NUDCD3: variants seen among roughly 807,000 people sequenced by gnomAD.
NUDCD3 encodes NudC domain containing 3.
In NUDCD3, 13 loss-of-function variants were observed where a neutral mutation model predicts 39.7. That is an observed-to-expected ratio of 0.33 (90% CI 0.21 to 0.52). The LOEUF is 0.52. Among genes scored for constraint, NUDCD3 ranks in the 20% least tolerant of loss-of-function variants. The probability of loss-of-function intolerance (pLI) is 0.96; values close to 1 mark genes in which losing one functional copy is unlikely to be tolerated. For synonymous variants in NUDCD3, 175 were observed against 172.4 expected (o/e 1.02, Z -0.12); for missense variants, 453 against 458.1 (o/e 0.99, Z 0.10).
At chr7:44,420,515 C>G (rs754321320) in intron 3 of NUDCD3, among the ~76,000 whole-genome samples, 7 of 152,220 alleles carry the variant, frequency 4.6e-5, no homozygotes, top group African/African-American at 7.2e-5. Flanking sequence ...CGAAGATACT[C>G]CTTGAGAAGA....
At chr7:44,409,110 T>C (rs1259697125) in intron 3 of NUDCD3, among the ~76,000 whole-genome samples, 1 of 152,162 alleles carries the variant, frequency 6.6e-6, no homozygotes, top group Non-Finnish European at 1.5e-5. Context: ...TTGAAAAGCT[T>C]TGACATTTTC....
intron 2 of NUDCD3, among the ~76,000 whole-genome samples, chr7:44,455,116 A>T (rs181273392): frequency 1.2e-4 from 18 of 152,244 alleles, no homozygotes; most frequent in African/African-American, 4.3e-4. Flanking sequence ...CTTCAGAGAC[A>T]GTAACTACCA....
chr7:44,403,451 G>A (rs1798759272), intron 4 of NUDCD3, among the ~76,000 whole-genome samples: 1 of 152,228 alleles, frequency 6.6e-6, no homozygotes, highest in South Asian at 2.1e-4. Context: ...TAGCCAGAGT[G>A]AGCTCCATTG....
rs370370206 is a variant in NUDCD3, at chr7:44,385,987, G to A, written c.*24C>T. 8.0e-5 allele frequency: 97 copies of A among 1,214,004 alleles called. No individual in the cohort carries two copies. In the African/African-American group the frequency reaches 8.4e-4, roughly 10 times the overall value. The allele number at this position is 1,214,004 out of a possible 1,614,324, so 75.2% of individuals were successfully genotyped here. ...GATAAGGCTCTGCCTCCCCACCGGC[G>A]AGGGTTTCCTTTCCTTCTGGTCATT... On this transcript the variant is annotated 3_prime_UTR_variant, in exon 6 of 6. Coordinates refer to ENST00000355451, the MANE Select transcript of NUDCD3 (RefSeq NM_015332.4).
At chr7:44,433,446 T>C (rs1439077800) in intron 2 of NUDCD3, among the ~76,000 whole-genome samples, 1 of 151,818 alleles carries the variant, frequency 6.6e-6, no homozygotes, top group East Asian at 1.9e-4. Context: ...TGTGTGCAGT[T>C]TGTGTGTGTG....
In NUDCD3 at chr7:44,383,342, T is replaced by G. The variant is rs1199911564; in HGVS notation, c.*2669A>C. 1 of 152,348 alleles carries G rather than the reference T, an allele frequency of 6.6e-6. No individual in the cohort carries two copies. The highest frequency in any genetic ancestry group is 1.9e-4 in the East Asian group (1 of 5,182). 9.4% of individuals were successfully genotyped at this position (152,348 alleles called of 1,614,324 possible). On this transcript the variant is annotated 3_prime_UTR_variant, in exon 6 of 6. Transcript: ENST00000355451. ...AGTAACTACAGAATTCCAGAACCTGTTTGAAAGGATGTAAGATCTATAGCT... is the reference window on the plus strand; with the variant it reads ...AGTAACTACAGAATTCCAGAACCTGGTTGAAAGGATGTAAGATCTATAGCT...
At chr7:44,410,988 CAT>C (rs1189757023) in intron 3 of NUDCD3, among the ~76,000 whole-genome samples, 1 of 152,066 alleles carries the variant, frequency 6.6e-6, no homozygotes, top group African/African-American at 2.4e-5. Flanking sequence ...GTAACAAACT[CAT>C]ATATTTATGA....
At chr7:44,480,941 C>CAAAAAAAAAAAAAAAAAAAAAAA (rs1164765600) in intron 2 of NUDCD3, among the ~76,000 whole-genome samples, 1 of 34,876 alleles carries the variant, frequency 2.9e-5, no homozygotes, top group African/African-American at 1.1e-4. Context: ...GACCCAGTAT[C>CAAAAAAAAAAAAAAAAAAAAAAA]AAAAAAAAAA....
chr7:44,426,847 T>A (rs1799246151), intron 3 of NUDCD3, among the ~76,000 whole-genome samples: 1 of 150,038 alleles, frequency 6.7e-6, no homozygotes, highest in Non-Finnish European at 1.5e-5. Flanking sequence ...GACGCTGGGA[T>A]GAGGTGGGCC....
chr7:44,475,169 T>C (rs1249133781), intron 2 of NUDCD3, among the ~76,000 whole-genome samples: 2 of 150,650 alleles, frequency 1.3e-5, no homozygotes, highest in Non-Finnish European at 3.0e-5. Context: ...TGGAGTGCAG[T>C]GGCATGATCT....
At chr7:44,438,566 G>T (rs917612382) in intron 2 of NUDCD3, among the ~76,000 whole-genome samples, 3 of 149,626 alleles carry the variant, frequency 2.0e-5, no homozygotes, top group Admixed American at 6.7e-5. Context: ...CCCTAATCAA[G>T]ACCCCCCCAC....
chr7:44,488,606 C>T (rs1206672753), intron 1 of NUDCD3, among the ~76,000 whole-genome samples: 2 of 152,156 alleles, frequency 1.3e-5, no homozygotes, highest in African/African-American at 2.4e-5. Flanking sequence ...GGCAGGGACT[C>T]CTACCTGCAA....
intron 3 of NUDCD3, among the ~76,000 whole-genome samples, chr7:44,408,430 C>A (rs1209016444): frequency 6.6e-6 from 1 of 152,038 alleles, no homozygotes; most frequent in African/African-American, 2.4e-5. Flanking sequence ...CTAGACAATA[C>A]TCAGTATTAA....
intron 5 of NUDCD3, among the ~76,000 whole-genome samples, chr7:44,386,847 T>C (rs760710070): frequency 2.6e-5 from 4 of 152,070 alleles, no homozygotes; most frequent in Non-Finnish European, 4.4e-5. Flanking sequence ...ATCAGGGAGA[T>C]TGGACCCTGA....
intron 5 of NUDCD3, among the ~76,000 whole-genome samples, chr7:44,389,494 C>A (rs901006908): frequency 1.3e-5 from 2 of 152,110 alleles, no homozygotes; most frequent in Non-Finnish European, 2.9e-5. Context: ...CTGGCTAACA[C>A]GGTGAAACCC....
At position 44,485,250 on chromosome 7, in the gene NUDCD3, T is replaced by C; in HGVS notation, c.227A>G (p.Asp76Gly). 6.2e-7 allele frequency: 1 copy of C among 1,613,696 alleles called. No homozygotes were observed. Among genetic ancestry groups the C allele is most frequent in the Non-Finnish European group, 8.5e-7 (1 of 1,179,728 alleles). ...AAGTTCCTGCCTTCTCTTCTCATCA[T>C]CCTGACGGGCCATGTGGTCAAAGGT... ...FKTFDHMARQ[D>G]DEKRRQELEE... Residue 76 changes from aspartate (D) to glycine (G), a missense_variant, in exon 2 of 6, where the codon GAT (aspartate) becomes GGT (glycine). Coordinates refer to ENST00000355451, the MANE Select transcript of NUDCD3 (RefSeq NM_015332.4).
chr7:44,389,400 C>T (rs1358245008), intron 5 of NUDCD3, among the ~76,000 whole-genome samples: 6 of 152,160 alleles, frequency 3.9e-5, no homozygotes, highest in African/African-American at 9.7e-5. Context: ...GGAGGCCGGC[C>T]GGGCGCGGTG....
At chr7:44,465,180 A>T (rs964398837) in intron 2 of NUDCD3, among the ~76,000 whole-genome samples, 1 of 152,176 alleles carries the variant, frequency 6.6e-6, no homozygotes, top group African/African-American at 2.4e-5. Context: ...TGTTTTTTAC[A>T]TGTATTTTCT....
At chr7:44,392,119 G>A (rs1798528321) in intron 5 of NUDCD3, among the ~76,000 whole-genome samples, 178 bp downstream of exon 5, 2 of 152,212 alleles carry the variant, frequency 1.3e-5, no homozygotes, top group Admixed American at 1.3e-4. Flanking sequence ...GCACCTGTGA[G>A]GCAGTGATTG....
Sources: gnomAD v4.1 joint callset for allele counts (sites outside exome capture counted in the v4.1 genomes callset) on GRCh38, gnomAD v4.1.1 for gene constraint, MANE v1.5 for transcripts, NCBI Gene and HGNC (gene_info 2026-07-23, HGNC 2026-07-21) for gene names.